The following TANC1 variants were observed in gnomAD, a reference collection of about 807,000 sequenced individuals.
TANC1 encodes protein TANC1.
A neutral mutation model predicts 149.7 loss-of-function variants in TANC1; 77 were observed. The observed-to-expected ratio is 0.51, with a 90% CI of 0.43 to 0.62. TANC1 has a LOEUF of 0.62. Among genes scored for constraint, TANC1 ranks in the 20% least tolerant of loss-of-function variants. The pLI is 0.00. For missense variants in TANC1, 1,985 were observed against 2,321.8 expected (o/e 0.85, Z 2.98); for synonymous variants, 854 against 925.0 (o/e 0.92, Z 1.39).
intron 2 of TANC1, among the ~76,000 whole-genome samples, chr2:159,033,923 G>A (rs889187169): frequency 2.6e-5 from 4 of 152,162 alleles, no homozygotes; most frequent in Non-Finnish European, 5.9e-5. Flanking sequence ...AACTTGGTGA[G>A]CAAGAAAATA....
intron 10 of TANC1, among the ~76,000 whole-genome samples, chr2:159,171,883 A>AAAG (rs753837198): frequency 2.5e-4 from 32 of 129,634 alleles, no homozygotes; most frequent in Non-Finnish European, 5.3e-4. Flanking sequence ...AAAGAAAAAG[A>AAAG]AAAAAAAAAT....
chr2:159,015,149 G>C (rs1480172544), intron 2 of TANC1, among the ~76,000 whole-genome samples: 2 of 152,222 alleles, frequency 1.3e-5, no homozygotes, highest in Non-Finnish European at 2.9e-5. Flanking sequence ...ACTTCTGCCA[G>C]GGCATCCAGG....
chr2:159,018,241 G>A lies in TANC1; in HGVS notation c.-16+17052G>A, dbSNP rs547291425. On this transcript the variant is annotated intron_variant, in intron 2 of 26. Coordinates refer to ENST00000263635, the MANE Select transcript of TANC1 (RefSeq NM_033394.3). The stretch of plus-strand genomic sequence containing the variant: ...ATCCCTCTGGCCTCATACTGTATTT[G>A]CTACAGATGCATTCCCACAAGGCTT... 2.7e-3 allele frequency among the ~76,000 whole-genome samples: 411 copies of A among 152,292 alleles called. 1 individual carries two copies. The highest frequency in any genetic ancestry group is 9.4e-3 in the African/African-American group (389 of 41,556).
chr2:159,087,485 C>A (rs546219806), intron 3 of TANC1, among the ~76,000 whole-genome samples: 32 of 111,504 alleles, frequency 2.9e-4, no homozygotes, highest in Admixed American at 1.2e-3. Flanking sequence ...TTTTTTTTGT[C>A]GTTGTTTGTT....
intron 13 of TANC1, 116 bp from the exon 14 acceptor site, chr2:159,178,440 T>C: frequency 8.1e-7 from 1 of 1,229,746 alleles, no homozygotes; most frequent in Non-Finnish European, 1.1e-6. Context: ...AATGAGTCCC[T>C]GTAATCCATG....
At chr2:159,102,138 ATTTC>A (rs2046782421) in intron 4 of TANC1, among the ~76,000 whole-genome samples, 1 of 152,186 alleles carries the variant, frequency 6.6e-6, no homozygotes, top group African/African-American at 2.4e-5. Flanking sequence ...ACCCGCAAGT[ATTTC>A]TTGTAGAAAA....
Position 159,230,730 on chromosome 2 carries a change from G to C in TANC1, c.5304G>C (p.Glu1768Asp). Residue 1768 changes from glutamate to aspartate, a missense_variant, in exon 27 of 27, where the codon GAG becomes GAC. Glu to Asp is a conservative substitution (Grantham distance 45, BLOSUM62 2). This residue lies in a region of TANC1 where 920 missense variants were observed against 994.7 expected (regional missense o/e 0.92). Transcript: ENST00000263635. The surrounding 1 kb of genome is among the most constrained non-coding windows in gnomAD (Gnocchi z 4.4). ...CTGGCCTGCAGTCTGCTAACACTGA[G>C]AAGCCCTCTCTCATGCAAGTGGGAG... is the stretch of plus-strand genomic sequence containing the variant. ...SAAGLQSANT[E>D]KPSLMQVGGY... is the part of the protein sequence containing the mutation. 6.2e-7 allele frequency: 1 copy of C among 1,614,210 alleles called. No individual in the cohort carries two copies. The highest frequency in any genetic ancestry group is 8.5e-7 in the Non-Finnish European group (1 of 1,180,044).
chr2:159,149,439 T>TG, intron 6 of TANC1, 167 bp downstream of exon 6: 1 of 946,028 alleles, frequency 1.1e-6, no homozygotes, highest in South Asian at 1.5e-5. Flanking sequence ...GTTTTTGCAG[T>TG]GGGGAGGTAG....
At chr2:159,212,907 G>A (rs1213206650) in intron 19 of TANC1, among the ~76,000 whole-genome samples, 5 of 130,816 alleles carry the variant, frequency 3.8e-5, no homozygotes, top group Non-Finnish European at 6.6e-5. Flanking sequence ...GTGACAGGGC[G>A]AGACACCGTC....
intron 1 of TANC1, among the ~76,000 whole-genome samples, chr2:158,973,715 C>G (rs2033231787): frequency 6.6e-6 from 1 of 152,166 alleles, no homozygotes; most frequent in Non-Finnish European, 1.5e-5. Context: ...AAGAGCTAGC[C>G]AGGGCAGTGT....
intron 3 of TANC1, among the ~76,000 whole-genome samples, chr2:159,085,845 T>C (rs1223355743): frequency 6.6e-6 from 1 of 152,166 alleles, no homozygotes; most frequent in African/African-American, 2.4e-5. Context: ...CCACATGAAA[T>C]TTCAAAGGGG....
intron 1 of TANC1, among the ~76,000 whole-genome samples, chr2:158,995,835 C>T (rs571693623): frequency 2.0e-4 from 31 of 152,156 alleles, no homozygotes; most frequent in Non-Finnish European, 4.0e-4. Flanking sequence ...ATGCTCATCT[C>T]GGATTACAGC....
At chr2:159,172,429 G>A (rs2055360340) in intron 11 of TANC1, among the ~76,000 whole-genome samples, 157 bp downstream of exon 11, 1 of 152,252 alleles carries the variant, frequency 6.6e-6, no homozygotes, top group Non-Finnish European at 1.5e-5. Context: ...CCAAGTAAAA[G>A]TGTGAATGAC....
chr2:159,061,214 TGTA>T (rs771607869), intron 2 of TANC1, among the ~76,000 whole-genome samples: 27 of 152,336 alleles, frequency 1.8e-4, no homozygotes, highest in Non-Finnish European at 3.7e-4. Context: ...CAGTTTTAGT[TGTA>T]GTAACTTTTA....
chr2:159,225,530 C>T, intron 23 of TANC1, 158 bp from the exon 24 acceptor site: 1 of 636,350 alleles, frequency 1.6e-6, no homozygotes, highest in Non-Finnish European at 2.8e-6. Context: ...AAAGGATTAG[C>T]AACAGCCTCG....
At chr2:159,133,647 A>G (rs529146346) in intron 4 of TANC1, among the ~76,000 whole-genome samples, 1 of 90,300 alleles carries the variant, frequency 1.1e-5, no homozygotes, top group South Asian at 5.7e-4. Flanking sequence ...TTATGTGTGG[A>G]TATATATATA....
chr2:159,232,004 T>C lies in TANC1; in HGVS notation c.*992T>C, dbSNP rs574932959. The C allele has an allele frequency of 2.0e-5, 3 of 152,640 alleles. No individual in the cohort carries two copies. The highest frequency in any genetic ancestry group is 1.9e-4 in the East Asian group (1 of 5,200). The allele number at this position is 152,640 out of a possible 1,614,324, so 9.5% of individuals were successfully genotyped here. On this transcript the variant is annotated 3_prime_UTR_variant, in exon 27 of 27. Transcript: ENST00000263635. ...AGACTTGTAAATAGAACTATTTCAA[T>C]GTAGTTAATCTAAAAACAAAAAAGA...
intron 4 of TANC1, among the ~76,000 whole-genome samples, chr2:159,116,271 A>G (rs181005982): frequency 1.2e-3 from 186 of 152,096 alleles, no homozygotes; most frequent in African/African-American, 4.4e-3. Context: ...CTAAAAATAC[A>G]AAAAAATTAG....
At chr2:158,988,809 A>T (rs1005874203) in intron 1 of TANC1, among the ~76,000 whole-genome samples, 6 of 151,708 alleles carry the variant, frequency 4.0e-5, no homozygotes, top group African/African-American at 1.5e-4. Context: ...CTCTGTACCT[A>T]CCTCCAGGTC....
Sources: allele counts gnomAD v4.1 joint callset (sites outside exome capture counted in the v4.1 genomes callset), GRCh38; gene constraint gnomAD v4.1.1; regional missense constraint gnomAD v4.1.1; non-coding constraint Gnocchi (gnomAD v3.1); transcripts MANE v1.5; gene names NCBI Gene and HGNC (gene_info 2026-07-23, HGNC 2026-07-21).